LAMB3: variants seen among roughly 807,000 people sequenced by gnomAD.
LAMB3 encodes laminin subunit beta-3.
Under a neutral mutation model 140.3 loss-of-function variants are expected in LAMB3, and 104 were observed. That is an observed-to-expected ratio of 0.74 (90% CI 0.63 to 0.87). LAMB3 has a LOEUF of 0.87. LAMB3 is among the 40% of genes least tolerant of loss of function. The probability of loss-of-function intolerance (pLI) is 0.00; values close to 1 mark genes in which losing one functional copy is unlikely to be tolerated. For synonymous variants in LAMB3, 592 were observed against 602.9 expected (o/e 0.98, Z 0.26); for missense variants, 1,531 against 1,575.2 (o/e 0.97, Z 0.47).
chr1:209,619,816 GC>G (rs1365179384), intron 18 of LAMB3, among the ~76,000 whole-genome samples: 1 of 152,158 alleles, frequency 6.6e-6, no homozygotes, highest in Non-Finnish European at 1.5e-5. Context: ...CTCATTCCCT[GC>G]CCCATCCCAT....
intron 4 of LAMB3, 39 bp downstream of exon 4, chr1:209,638,495 G>T: frequency 1.5e-6 from 2 of 1,301,538 alleles, no homozygotes; most frequent in Non-Finnish European, 2.2e-6. Flanking sequence ...TCCTGTGGAG[G>T]CTGTACAGTT....
chr1:209,650,845 C>T, intron 2 of LAMB3, 72 bp downstream of exon 2: 2 of 1,470,666 alleles, frequency 1.4e-6, no homozygotes, highest in East Asian at 2.3e-5. Flanking sequence ...CTTTGGTAAA[C>T]TCTCCTTCTC....
chr1:209,627,545 G>C lies in LAMB3; in HGVS notation c.1323C>G (p.Asp441Glu). 1 of 1,614,082 alleles carries C rather than the reference G, an allele frequency of 6.2e-7. No homozygotes were observed. The highest frequency in any genetic ancestry group is 8.5e-7 in the Non-Finnish European group (1 of 1,180,034). The change falls in exon 12 of 23, where the codon GAC (aspartate) becomes GAG (glutamate). Residue 441 changes from aspartate (D) to glutamate (E), a missense_variant. Asp to Glu is a conservative substitution (Grantham distance 45, BLOSUM62 2). Transcript: ENST00000356082. ...GCCCACTCTCCTCGTCACACGGCAT[G>C]TCCCTCCGGGACCCCAGGATGTTGC... ...CDCNILGSRR[D>E]MPCDEESGRC... is the part of the protein sequence containing the mutation.
rs1161304394 is a variant in LAMB3 at position 209,616,227 on chromosome 1, C to T, written c.3382+244G>A. On this transcript the variant is annotated intron_variant, in intron 22 of 22. Transcript: ENST00000356082. ...GCAATAGGAATAAAAAATATGACCCCACTGTTTGCAAAAACAGAGAAAATG... is the reference window on the plus strand; with the variant it reads ...GCAATAGGAATAAAAAATATGACCCTACTGTTTGCAAAAACAGAGAAAATG... Among the ~76,000 whole-genome samples the T allele has an allele frequency of 3.9e-5, 6 of 152,134 alleles. No homozygotes were observed. The East Asian group carries it at 1.2e-3, about 29-fold the overall frequency.
Position 209,634,248 on chromosome 1 carries a change from C to T in LAMB3, c.564+199G>A, listed in dbSNP as rs185482250. On this transcript the variant is annotated intron_variant, in intron 6 of 22. Transcript: ENST00000356082. ...TGGCCCCAAGGTGTTGCTGAAATAT[C>T]CTTCCTCAGCAAAGAGGATAAGCAG... is the stretch of plus-strand genomic sequence containing the variant. 5.3e-3 allele frequency among the ~76,000 whole-genome samples: 805 copies of T among 152,102 alleles called. 4 individuals carry two copies. Among genetic ancestry groups the T allele is most frequent in the Non-Finnish European group, 9.0e-3 (612 of 67,996 alleles).
At position 209,628,209 on chromosome 1, in the gene LAMB3, C is replaced by G. The variant is rs1212798087; in HGVS notation, c.1133-19G>C. 6.4e-7 allele frequency: 1 copy of G among 1,552,584 alleles called. No individual in the cohort carries two copies. The highest frequency in any genetic ancestry group is 1.4e-5 in the African/African-American group (1 of 73,252). On this transcript the variant is annotated intron_variant, in intron 10 of 22. Transcript: ENST00000356082. ...TCGCAGGCTGAGAGACAACAGCAGC[C>G]ACCGCAGTAGGAACAAAGAAAAGTA...
rs3737914 is a variant in LAMB3 at position 209,622,743 on chromosome 1, C to T, written c.2557-63G>A. 5.9e-5 allele frequency: 95 copies of T among 1,601,170 alleles called. No homozygotes were observed. In the East Asian group the frequency reaches 1.9e-3, roughly 32 times the overall value. On this transcript the variant is annotated intron_variant, in intron 17 of 22. Transcript: ENST00000356082. ...CCAAGGGAACCTCTCAGCAGCCCCACGATTCTGCGGATCATCCTCTATGCC... is the reference window on the plus strand; with the variant it reads ...CCAAGGGAACCTCTCAGCAGCCCCATGATTCTGCGGATCATCCTCTATGCC...
Position 209,623,580 on chromosome 1 carries a change from G to GCCT in LAMB3, c.2280_2282dup (p.Gly761dup), listed in dbSNP as rs752460751. 7 of 1,614,108 alleles carry GCCT rather than the reference G, an allele frequency of 4.3e-6. No homozygotes were observed. The highest frequency in any genetic ancestry group is 4.5e-5 in the East Asian group (2 of 44,874). On this transcript the variant is annotated inframe_insertion, in exon 16 of 23. Coordinates refer to ENST00000356082, the MANE Select transcript of LAMB3 (RefSeq NM_000228.3). This position sits in a 1 kb window ranked among gnomAD's most constrained non-coding sequence, Gnocchi z 4.2. ...GGGCCACAAGCTTGGGGCTGCCGGTGCCTCCTCCTCCTCCCGCCTGCCGCA... is the reference window on the plus strand; with the variant it reads ...GGGCCACAAGCTTGGGGCTGCCGGTGCCTCCTCCTCCTCCTCCCGCCTGCCGCA...
intron 17 of LAMB3, 115 bp from the exon 18 acceptor site, chr1:209,622,795 C>A: frequency 6.9e-7 from 1 of 1,448,344 alleles, no homozygotes; most frequent in Non-Finnish European, 9.7e-7. Context: ...GCATTTGTAA[C>A]CAACCCAGCT....
At chr1:209,628,218 A>G (rs1666548009) in intron 10 of LAMB3, 28 bp from the exon 11 acceptor site, 1 of 1,551,154 alleles carries the variant, frequency 6.4e-7, no homozygotes, top group African/African-American at 1.4e-5. Flanking sequence ...CCACCGCAGT[A>G]GGAACAAAGA....
At chr1:209,630,762 G>C (rs776841755) in intron 8 of LAMB3, 27 bp from the exon 9 acceptor site, 1 of 1,612,516 alleles carries the variant, frequency 6.2e-7, no homozygotes, top group Admixed American at 1.7e-5. Context: ...CAGCCATCAG[G>C]AGTAATCAAC....
At chr1:209,651,348 C>T (rs1378684556) in intron 1 of LAMB3, 7 of 274,476 alleles carry the variant, frequency 2.6e-5, no homozygotes, top group South Asian at 2.4e-4. Flanking sequence ...TAGAAAGGGC[C>T]AAGACCTAGT....
chr1:209,649,848 G>T (rs534909507), intron 3 of LAMB3, 116 bp downstream of exon 3: 5 of 1,165,070 alleles, frequency 4.3e-6, no homozygotes, highest in South Asian at 3.8e-5. Context: ...TCCCCAGTCC[G>T]TGTAGTACAC....
chr1:209,616,707 A>G (rs1665982719), intron 21 of LAMB3, 83 bp from the exon 22 acceptor site: 4 of 1,356,154 alleles, frequency 2.9e-6, no homozygotes, highest in Non-Finnish European at 4.2e-6. Context: ...GATATCACCC[A>G]AATCAATACA....
At position 209,650,051 on chromosome 1, in the gene LAMB3, G is replaced by A. The variant is rs752440951; in HGVS notation, c.96C>T (p.Asp32=). The change falls in exon 3 of 23, where the codon GAC becomes GAT. Residue 32 remains aspartate, a synonymous_variant. Transcript: ENST00000356082. The part of the protein sequence containing the change: ...SRGACYPPVG[D]LLVGRTRFLR... ...GAAACCGGGTCCTCCCAACAAGCAG[G>A]TCCCCAACAGGTGGATAGCAGGCCC... 1 of 1,613,996 alleles carries A rather than the reference G, an allele frequency of 6.2e-7. No individual in the cohort carries two copies. Among genetic ancestry groups the A allele is most frequent in the African/African-American group, 1.3e-5 (1 of 74,902 alleles).
At position 209,629,029 on chromosome 1, in the gene LAMB3, A is replaced by C. The variant is rs79790225; in HGVS notation, c.1132+708T>G. 7.6e-3 allele frequency among the ~76,000 whole-genome samples: 1,157 copies of C among 152,344 alleles called. 11 individuals are homozygous for C. The highest frequency in any genetic ancestry group is 0.027 in the African/African-American group (1,106 of 41,566). On this transcript the variant is annotated intron_variant, in intron 10 of 22. Coordinates refer to ENST00000356082, the MANE Select transcript of LAMB3 (RefSeq NM_000228.3). Reference sequence around the variant, plus strand: ...TTCCCAGAAACAAACATCAACAGAAAGTGACTCAGCTTTCCCCAACCCCCA... The same window carrying C: ...TTCCCAGAAACAAACATCAACAGAACGTGACTCAGCTTTCCCCAACCCCCA...
intron 14 of LAMB3, among the ~76,000 whole-genome samples, chr1:209,624,639 T>C (rs890332545): frequency 5.3e-5 from 8 of 152,228 alleles, no homozygotes; most frequent in African/African-American, 1.7e-4. Flanking sequence ...TCCAACCTAC[T>C]GAATCTGGTG....
intron 3 of LAMB3, among the ~76,000 whole-genome samples, chr1:209,644,920 C>T (rs1224313123): frequency 6.6e-6 from 1 of 152,180 alleles, no homozygotes; most frequent in African/African-American, 2.4e-5. Flanking sequence ...GGTAGGTCTG[C>T]AAGACAGTTC....
chr1:209,622,882 T>C (rs1666254918), intron 17 of LAMB3, 100 bp downstream of exon 17: 26 of 1,455,434 alleles, frequency 1.8e-5, no homozygotes, highest in Non-Finnish European at 2.3e-5. Flanking sequence ...TCACCTAAAA[T>C]CTCTGGACTT....
Sources: allele counts gnomAD v4.1 joint callset (sites outside exome capture counted in the v4.1 genomes callset), GRCh38; gene constraint gnomAD v4.1.1; non-coding constraint Gnocchi (gnomAD v3.1); transcripts MANE v1.5; gene names NCBI Gene and HGNC (gene_info 2026-07-23, HGNC 2026-07-21).